AURKA: variants seen among roughly 807,000 people sequenced by gnomAD.
AURKA encodes the protein aurora 2.
In AURKA, 12 loss-of-function variants were observed where a neutral mutation model predicts 40.9. The ratio of observed to expected loss-of-function variants is 0.29; its 90% CI spans 0.19 to 0.48. AURKA has a LOEUF of 0.48. Among genes scored for constraint, AURKA ranks in the 20% least tolerant of loss-of-function variants. AURKA has a pLI of 0.99. For missense variants in AURKA, 322 were observed against 462.1 expected (o/e 0.70, Z 2.78); for synonymous variants, 170 against 164.3 (o/e 1.03, Z -0.26).
rs184024724 is a variant in AURKA, at chr20:56,387,444, G to A, written c.42+712C>T. Among the ~76,000 whole-genome samples, 367 of 152,274 alleles carry A rather than the reference G, an allele frequency of 2.4e-3. 6 individuals are homozygous for A. The highest frequency in any genetic ancestry group is 0.012 in the South Asian group (58 of 4,820). On this transcript the variant is annotated intron_variant, in intron 2 of 8. Coordinates refer to ENST00000395915, the MANE Select transcript of AURKA (RefSeq NM_198437.3). ...TGGGATTACAGGCGTGAGCCACCGC[G>A]CCCAGCCTTGAAATGTATTATTTAT... is the stretch of plus-strand genomic sequence containing the variant.
At chr20:56,372,984 T>C (rs1984466544) in intron 7 of AURKA, among the ~76,000 whole-genome samples, 1 of 152,226 alleles carries the variant, frequency 6.6e-6, no homozygotes, top group African/African-American at 2.4e-5. Flanking sequence ...TCAAGTTCCC[T>C]GATATGGCCT....
intron 5 of AURKA, 83 bp downstream of exon 5, chr20:56,382,902 G>A (rs1410109639): frequency 1.6e-5 from 23 of 1,471,640 alleles, no homozygotes; most frequent in Non-Finnish European, 2.0e-5. Flanking sequence ...GAAGGGACCT[G>A]GGCAGTGGGA....
chr20:56,391,437 A>G (rs979327195), intron 1 of AURKA, among the ~76,000 whole-genome samples: 2 of 152,198 alleles, frequency 1.3e-5, no homozygotes, highest in African/African-American at 4.8e-5. Flanking sequence ...ATTTGTATGC[A>G]CCGGTCTGCA....
rs771934480 is a variant in AURKA at position 56,381,494 on chromosome 20, A to C, written c.644T>G (p.Leu215Arg). 2 of 1,613,992 alleles carry C rather than the reference A, an allele frequency of 1.2e-6. No individual in the cohort carries two copies. The highest frequency in any genetic ancestry group is 2.2e-5 in the South Asian group (2 of 91,076). Residue 215 changes from leucine (L) to arginine (R), a missense_variant, in exon 6 of 9, where the codon CTT becomes CGT. Leu to Arg is a moderately radical substitution (Grantham distance 102). Transcript: ENST00000395915. ...RVYLILEYAP[L>R]GTVYRELQKL... Reference sequence around the variant, plus strand: ...CTGAAGTTCTCTATAAACTGTTCCAAGTGGTGCATATTCCAGAATTAGGTA... The same window carrying C: ...CTGAAGTTCTCTATAAACTGTTCCACGTGGTGCATATTCCAGAATTAGGTA...
Position 56,382,994 on chromosome 20 carries a change from G to A in AURKA, c.557C>T (p.Ser186Phe). The change falls in exon 5 of 9, where the codon TCC becomes TTC. Residue 186 changes from serine (S) to phenylalanine (F), a missense_variant. By Grantham distance (155) the Ser-to-Phe change is radical. Transcript: ENST00000395915. ...HQLRREVEIQ[S>F]HLRHPNILRL... The stretch of plus-strand genomic sequence containing the variant: ...GAACCTGAAAACTCACCGAAGGTGG[G>A]ACTGTATTTCTACTTCTCTTCTGAG... The A allele has an allele frequency of 6.2e-7, 1 of 1,613,908 alleles. No individual in the cohort carries two copies. Among genetic ancestry groups the A allele is most frequent in the Non-Finnish European group, 8.5e-7 (1 of 1,180,030 alleles).
In AURKA at chr20:56,370,118, T is replaced by C. The variant is rs923449464; in HGVS notation, c.*40A>G. The C allele has an allele frequency of 3.1e-6, 5 of 1,609,196 alleles. No homozygotes were observed. The African/African-American group carries it at 6.7e-5, about 21-fold the overall frequency. On this transcript the variant is annotated 3_prime_UTR_variant, in exon 9 of 9. Coordinates refer to ENST00000395915, the MANE Select transcript of AURKA (RefSeq NM_198437.3). ...AGTAGCATGTTCCTGTCAGGTTATA[T>C]GGCAGCCCTGGCTCAAGGATTTCTC...
Position 56,385,223 on chromosome 20 carries a change from C to A in AURKA, c.320-899G>T, listed in dbSNP as rs544531795. Among the ~76,000 whole-genome samples, 8 of 152,324 alleles carry A rather than the reference C, an allele frequency of 5.3e-5. No individual in the cohort carries two copies. In the South Asian group the frequency reaches 1.7e-3, roughly 32 times the overall value. Reference sequence around the variant, plus strand: ...AGTCTTAGCTTCCTCCTCTGTAAAACTGAGTTAATAACTGGCTACCTTCAT... The same window carrying A: ...AGTCTTAGCTTCCTCCTCTGTAAAAATGAGTTAATAACTGGCTACCTTCAT... On this transcript the variant is annotated intron_variant, in intron 3 of 8. Coordinates refer to ENST00000395915, the MANE Select transcript of AURKA (RefSeq NM_198437.3).
chr20:56,384,341 A>G lies in AURKA; in HGVS notation c.320-17T>C. On this transcript the variant is annotated splice_polypyrimidine_tract_variant and intron_variant, in intron 3 of 8. Coordinates refer to ENST00000395915, the MANE Select transcript of AURKA (RefSeq NM_198437.3). ...GATTATTTTCTATATGGAATAAGTT[A>G]AAAACCTGTTTTTAGAATAACTATA... The G allele has an allele frequency of 6.4e-7, 1 of 1,572,190 alleles. No individual in the cohort carries two copies. The highest frequency in any genetic ancestry group is 8.7e-7 in the Non-Finnish European group (1 of 1,143,934).
At position 56,373,649 on chromosome 20, in the gene AURKA, T is replaced by A. The variant is rs1984558534; in HGVS notation, c.706-93A>T. The A allele has an allele frequency of 6.8e-7, 1 of 1,478,958 alleles. No individual in the cohort carries two copies. 91.6% of individuals were successfully genotyped at this position (1,478,958 alleles called of 1,614,324 possible). ...TTCCGAAAGGAACACAACATAGATT[T>A]AACATGGTTTGCAGGTTTTGGCCAG... On this transcript the variant is annotated intron_variant, in intron 6 of 8. Coordinates refer to ENST00000395915, the MANE Select transcript of AURKA (RefSeq NM_198437.3). The surrounding 1 kb of genome is among the most constrained non-coding windows in gnomAD (Gnocchi z 5.0).
chr20:56,378,932 G>A (rs995454891), intron 6 of AURKA, among the ~76,000 whole-genome samples: 1 of 152,076 alleles, frequency 6.6e-6, no homozygotes, highest in Non-Finnish European at 1.5e-5. Flanking sequence ...TAAGAGCAGC[G>A]AAACTATTCT....
chr20:56,376,901 G>GA (rs1436063890), intron 6 of AURKA, among the ~76,000 whole-genome samples: 1 of 152,116 alleles, frequency 6.6e-6, no homozygotes, highest in Non-Finnish European at 1.5e-5. Flanking sequence ...CCAACATGAT[G>GA]AAACCCTGTC....
chr20:56,372,158 G>T (rs1008482169), intron 7 of AURKA, among the ~76,000 whole-genome samples: 6 of 152,014 alleles, frequency 3.9e-5, no homozygotes, highest in Admixed American at 6.5e-5. Context: ...AGGCTTACGT[G>T]GTCACAGCCC....
At chr20:56,374,008 T>C (rs528989298) in intron 6 of AURKA, among the ~76,000 whole-genome samples, 3 of 142,096 alleles carry the variant, frequency 2.1e-5, no homozygotes, top group African/African-American at 8.1e-5. Flanking sequence ...AGAAATTATA[T>C]AGGAGTCTAC....
chr20:56,389,809 G>C (rs533010092), intron 1 of AURKA, among the ~76,000 whole-genome samples: 2 of 152,070 alleles, frequency 1.3e-5, no homozygotes. Flanking sequence ...AACCCTTTAC[G>C]AGGTTCTCTC....
chr20:56,372,776 C>A (rs1205858519), intron 7 of AURKA, among the ~76,000 whole-genome samples: 2 of 152,150 alleles, frequency 1.3e-5, no homozygotes, highest in Non-Finnish European at 2.9e-5. Flanking sequence ...AGTTTCAAAG[C>A]TTATTTAAAC....
chr20:56,370,002 A>T lies in AURKA; in HGVS notation c.*156T>A. ...TTTATTGATGTGGAGCTTTCTGAAT[A>T]GGGAGGTTAAGGCACACCTGCTGAG... On this transcript the variant is annotated 3_prime_UTR_variant, in exon 9 of 9. Transcript: ENST00000395915. 1.2e-6 allele frequency: 1 copy of T among 865,450 alleles called. No individual in the cohort carries two copies. The highest frequency in any genetic ancestry group is 1.9e-6 in the Non-Finnish European group (1 of 523,588). The allele number at this position is 865,450 out of a possible 1,614,324, so 53.6% of individuals were successfully genotyped here.
intron 5 of AURKA, 63 bp from the exon 6 acceptor site, chr20:56,381,634 T>C: frequency 6.3e-7 from 1 of 1,598,174 alleles, no homozygotes; most frequent in Non-Finnish European, 8.5e-7. Flanking sequence ...ATGTACAAAA[T>C]GTCAAACAAA....
chr20:56,369,661 C>A lies in AURKA; in HGVS notation c.*497G>T, dbSNP rs1467116737. ...AAGGAATGCCACCAGAGAAAAAATA[C>A]AAGTCTGTACATATATCTTTATTTT... is the stretch of plus-strand genomic sequence containing the variant. On this transcript the variant is annotated 3_prime_UTR_variant, in exon 9 of 9. Transcript: ENST00000395915. 1 of 274,916 alleles carries A rather than the reference C, an allele frequency of 3.6e-6. No individual in the cohort carries two copies. The highest frequency in any genetic ancestry group is 7.1e-6 in the Non-Finnish European group (1 of 141,692). 17.0% of individuals were successfully genotyped at this position (274,916 alleles called of 1,614,324 possible). A position where few individuals can be genotyped will look rare whatever the true frequency, so the allele number is the denominator to read the frequency against.
rs961824625 is a variant in AURKA at position 56,369,892 on chromosome 20, C to A, written c.*266G>T. On this transcript the variant is annotated 3_prime_UTR_variant, in exon 9 of 9. Transcript: ENST00000395915. ...CCATGCCTAGCACAGGCTGACGGGG[C>A]GGCTGCAGTCGAACCTTGCCTCCAG... The A allele has an allele frequency of 1.8e-6, 1 of 540,698 alleles. No homozygotes were observed. Among genetic ancestry groups the A allele is most frequent in the African/African-American group, 1.9e-5 (1 of 53,242 alleles). 33.5% of individuals were successfully genotyped at this position (540,698 alleles called of 1,614,324 possible).
Sources: allele counts gnomAD v4.1 joint callset (sites outside exome capture counted in the v4.1 genomes callset), GRCh38; gene constraint gnomAD v4.1.1; non-coding constraint Gnocchi (gnomAD v3.1); transcripts MANE v1.5; gene names NCBI Gene and HGNC (gene_info 2026-07-23, HGNC 2026-07-21).